Variants in PRR16 observed in about 807,000 individuals in gnomAD.
The protein encoded by PRR16 is proline rich 16.
PRR16 carries 6 observed loss-of-function variants against 18.2 expected under a neutral mutation model. The ratio of observed to expected loss-of-function variants is 0.33; its 90% CI spans 0.18 to 0.65. PRR16 has a LOEUF of 0.65. PRR16 is among the 30% of genes least tolerant of loss of function. PRR16 has a pLI of 0.74. For missense variants in PRR16, 412 were observed against 376.6 expected, an observed-to-expected ratio of 1.09 and a Z score of -0.78; for synonymous variants, 151 against 147.8, an observed-to-expected ratio of 1.02 and a Z score of -0.16.
At chr5:120,471,311 A>T (rs988527348) in intron 1 of PRR16, among the ~76,000 whole-genome samples, 2 of 152,170 alleles carry the variant, frequency 1.3e-5, no homozygotes, top group Non-Finnish European at 2.9e-5. Flanking sequence ...ATAAAGGAAC[A>T]ACTAATATGG....
chr5:120,731,878 CA>C, the PRR16 span, among the ~76,000 whole-genome samples: 1 of 152,056 alleles, frequency 6.6e-6, no homozygotes, highest in African/African-American at 2.4e-5. Context: ...GTTTACTAGC[CA>C]AAGAGACACA....
intron 1 of PRR16, among the ~76,000 whole-genome samples, chr5:120,569,922 G>GAA (rs1437590306): frequency 2.0e-5 from 3 of 152,054 alleles, no homozygotes; most frequent in Non-Finnish European, 2.9e-5. Context: ...TAAAGAAAAA[G>GAA]AAAAATGGAG....
intron 1 of PRR16, among the ~76,000 whole-genome samples, chr5:120,640,880 C>G (rs575713157): frequency 2.0e-5 from 3 of 152,298 alleles, no homozygotes; most frequent in African/African-American, 7.2e-5. Context: ...GCAGTTTTCA[C>G]TTTGCCATTC....
chr5:120,650,868 G>C (rs1412315425), intron 1 of PRR16, among the ~76,000 whole-genome samples: 1 of 152,042 alleles, frequency 6.6e-6, no homozygotes, highest in African/African-American at 2.4e-5. Context: ...GGGTCAAATG[G>C]TATTTCTAGT....
At chr5:120,652,794 G>A (rs560946452) in intron 1 of PRR16, among the ~76,000 whole-genome samples, 4 of 151,662 alleles carry the variant, frequency 2.6e-5, no homozygotes, top group Non-Finnish European at 5.9e-5. Context: ...AGTGAAGTAT[G>A]GGCATTAGAT....
At chr5:120,713,969 C>T in the PRR16 span, among the ~76,000 whole-genome samples, 34 of 151,996 alleles carry the variant, frequency 2.2e-4, no homozygotes, top group African/African-American at 7.2e-4. Context: ...AGTTTTGATA[C>T]ATTTCCGAGA....
chr5:120,642,988 C>T (rs1482573942), intron 1 of PRR16, among the ~76,000 whole-genome samples: 1 of 152,034 alleles, frequency 6.6e-6, no homozygotes, highest in Non-Finnish European at 1.5e-5. Flanking sequence ...AGTCATTAAT[C>T]AATATTTGTG....
At chr5:120,778,993 A>G in the PRR16 span, among the ~76,000 whole-genome samples, 1 of 152,200 alleles carries the variant, frequency 6.6e-6, no homozygotes, top group Admixed American at 6.5e-5. Context: ...GAGAAATGTT[A>G]GCATTTTGAT....
chr5:120,567,875 T>C (rs1752785745), intron 1 of PRR16, among the ~76,000 whole-genome samples: 1 of 152,150 alleles, frequency 6.6e-6, no homozygotes, highest in Non-Finnish European at 1.5e-5. Flanking sequence ...TATAGCAGTG[T>C]GAGAACAGAC....
intron 1 of PRR16, among the ~76,000 whole-genome samples, chr5:120,526,022 G>A (rs1054675048): frequency 6.6e-6 from 1 of 152,184 alleles, no homozygotes; most frequent in Non-Finnish European, 1.5e-5. Flanking sequence ...GGCTGGGAAA[G>A]GGGCCGAGAA....
the PRR16 span, among the ~76,000 whole-genome samples, chr5:120,792,627 C>G: frequency 6.6e-6 from 1 of 152,142 alleles, no homozygotes; most frequent in African/African-American, 2.4e-5. Flanking sequence ...ATGCAAGTCT[C>G]TCCTTGCTGG....
chr5:120,664,909 A>G (rs1756314829), intron 1 of PRR16, among the ~76,000 whole-genome samples: 2 of 151,930 alleles, frequency 1.3e-5, no homozygotes, highest in South Asian at 2.1e-4. Context: ...TAGTGCCGCA[A>G]TAAACATATG....
At chr5:120,646,667 T>C (rs992575138) in intron 1 of PRR16, among the ~76,000 whole-genome samples, 51 of 151,984 alleles carry the variant, frequency 3.4e-4, no homozygotes, top group Non-Finnish European at 5.9e-5. Context: ...TTAGATATAT[T>C]ATAAGAGGAA....
At chr5:120,673,731 G>T (rs973283189) in intron 1 of PRR16, among the ~76,000 whole-genome samples, 1 of 151,856 alleles carries the variant, frequency 6.6e-6, no homozygotes, top group Non-Finnish European at 1.5e-5. Context: ...TTGAGCTCAG[G>T]TGTTTGAGAC....
chr5:120,474,268 A>T (rs996364839), intron 1 of PRR16, among the ~76,000 whole-genome samples: 2 of 152,120 alleles, frequency 1.3e-5, no homozygotes, highest in Non-Finnish European at 2.9e-5. Flanking sequence ...CACTATTGAC[A>T]TATTGAGTGG....
chr5:120,696,603 A>G, the PRR16 span, among the ~76,000 whole-genome samples: 1 of 152,234 alleles, frequency 6.6e-6, no homozygotes, highest in African/African-American at 2.4e-5. Flanking sequence ...TTGAGATAAA[A>G]TATATTCCTA....
At chr5:120,624,796 A>G (rs1207185832) in intron 1 of PRR16, among the ~76,000 whole-genome samples, 1 of 152,176 alleles carries the variant, frequency 6.6e-6, no homozygotes, top group Non-Finnish European at 1.5e-5. Context: ...TGTAGCCTCC[A>G]TAATTCCCAC....
chr5:120,768,870 T>G, the PRR16 span, among the ~76,000 whole-genome samples: 2 of 151,890 alleles, frequency 1.3e-5, no homozygotes, highest in African/African-American at 4.8e-5. Flanking sequence ...GATATACTTT[T>G]ATGTATTGCT....
chr5:120,468,204 AT>A (rs1260948239), intron 1 of PRR16, among the ~76,000 whole-genome samples: 3 of 152,272 alleles, frequency 2.0e-5, no homozygotes, highest in Non-Finnish European at 4.4e-5. Context: ...AAATATATGA[AT>A]TTTAAGAAAT....
Sources: gnomAD v4.1 joint callset for allele counts (sites outside exome capture counted in the v4.1 genomes callset) on GRCh38, gnomAD v4.1.1 for gene constraint, MANE v1.5 for transcripts, NCBI Gene and HGNC (gene_info 2026-07-23, HGNC 2026-07-21) for gene names.